Variants in CSMD3 observed in about 807,000 individuals in gnomAD.
CSMD3 encodes CUB and sushi domain-containing protein 3.
A neutral mutation model predicts 435.2 loss-of-function variants in CSMD3; 177 were observed. The ratio of observed to expected loss-of-function variants is 0.41; its 90% confidence interval spans 0.36 to 0.46. The LOEUF is 0.46. CSMD3 is among the 20% of genes least tolerant of loss of function. The probability of loss-of-function intolerance (pLI) is 0.34; values close to 1 mark genes in which losing one functional copy is unlikely to be tolerated. For synonymous variants in CSMD3, 1,656 were observed against 1,520.5 expected, an observed-to-expected ratio of 1.09 and a Z score of -2.07; for missense variants, 4,265 against 4,504.6, an observed-to-expected ratio of 0.95 and a Z score of 1.52.
chr8:112,325,921 T>C (rs1318114623), intron 45 of CSMD3, among the ~76,000 whole-genome samples: 2 of 152,158 alleles, frequency 1.3e-5, no homozygotes, highest in African/African-American at 2.4e-5. Context: ...GGTTTACACA[T>C]GCAAAGCATT....
rs747333485 is a variant in CSMD3, at chr8:112,301,877, C to A, written c.8356G>T (p.Asp2786Tyr). 3.7e-6 allele frequency: 6 copies of A among 1,613,546 alleles called. No individual in the cohort carries two copies. The highest frequency in any genetic ancestry group is 3.3e-5 in the South Asian group (3 of 91,060). The change falls in exon 53 of 71, where the codon GAC (aspartate) becomes TAC (tyrosine). Residue 2786 changes from aspartate (D) to tyrosine (Y), a missense_variant. By Grantham distance (160) the Asp-to-Tyr change is radical (BLOSUM62 -3). Around this residue, in one of 3 missense-constraint regions of CSMD3, gnomAD observed 3,255 missense variants for 3,380.2 expected, o/e 0.96. Coordinates refer to ENST00000297405, the MANE Select transcript of CSMD3 (RefSeq NM_198123.2). ...GAGCCCACAAGCATGAATCCCAAGT[C>A]GCAGGTAAAGATAGCTGTTGAGCCA... ...SYGSTAIFTC[D>Y]LGFMLVGSAV...
intron 66 of CSMD3, among the ~76,000 whole-genome samples, chr8:112,239,743 T>G (rs2130031762): frequency 6.6e-6 from 1 of 152,234 alleles, no homozygotes; most frequent in Admixed American, 6.6e-5. Flanking sequence ...TGAATTTCAT[T>G]AATCTACTCT....
rs545913833 is a variant in CSMD3 at position 112,292,228 on chromosome 8, T to A, written c.8788+309A>T. ...TGCAAGTAAAAATAATCTCAATTAC[T>A]TTTTATATGCAGTCACAAAACAGAT... is the stretch of plus-strand genomic sequence containing the variant. On this transcript the variant is annotated intron_variant, in intron 55 of 70. Transcript: ENST00000297405. 3.3e-5 allele frequency among the ~76,000 whole-genome samples: 5 copies of A among 152,238 alleles called. No individual in the cohort carries two copies. The East Asian group carries it at 9.6e-4, about 29-fold the overall frequency.
intron 1 of CSMD3, among the ~76,000 whole-genome samples, chr8:113,395,911 G>T (rs1237559372): frequency 2.6e-5 from 4 of 152,030 alleles, no homozygotes; most frequent in Non-Finnish European, 5.9e-5. Flanking sequence ...AGAAAATTCA[G>T]TGGTAACTGA....
chr8:112,860,089 TCAG>T (rs768165485), intron 10 of CSMD3, among the ~76,000 whole-genome samples: 179 of 151,914 alleles, frequency 1.2e-3, no homozygotes, highest in Middle Eastern at 3.4e-3. Context: ...ACTTTGAAAA[TCAG>T]TTGATGGACC....
At chr8:113,028,518 C>T (rs1294918756) in intron 5 of CSMD3, among the ~76,000 whole-genome samples, 1 of 151,264 alleles carries the variant, frequency 6.6e-6, no homozygotes, top group Non-Finnish European at 1.5e-5. Context: ...TCTCTTATGC[C>T]AAATTAGCCA....
chr8:112,994,497 T>G (rs1233147632), intron 6 of CSMD3, among the ~76,000 whole-genome samples: 1 of 151,656 alleles, frequency 6.6e-6, no homozygotes, highest in Non-Finnish European at 1.5e-5. Context: ...TACAGGAAAT[T>G]AGATATGTAA....
chr8:113,274,855 G>GA (rs2093557249), intron 3 of CSMD3, among the ~76,000 whole-genome samples: 2 of 76,844 alleles, frequency 2.6e-5, no homozygotes, highest in African/African-American at 4.7e-5. Flanking sequence ...GAGAGAGAAA[G>GA]AAAAAAAGGA....
At chr8:112,317,614 T>C (rs1482045751) in intron 47 of CSMD3, among the ~76,000 whole-genome samples, 3 of 152,044 alleles carry the variant, frequency 2.0e-5, no homozygotes, top group African/African-American at 7.2e-5. Context: ...GTCTGGAATA[T>C]GTAAGTGATA....
At chr8:113,056,909 G>A (rs2088367932) in intron 5 of CSMD3, among the ~76,000 whole-genome samples, 1 of 152,034 alleles carries the variant, frequency 6.6e-6, no homozygotes, top group South Asian at 2.1e-4. Context: ...TGGAAATTCT[G>A]GTCTTCGTTT....
intron 3 of CSMD3, among the ~76,000 whole-genome samples, chr8:113,210,654 G>A (rs967456954): frequency 4.0e-5 from 6 of 151,862 alleles, no homozygotes; most frequent in African/African-American, 9.7e-5. Flanking sequence ...GAGGTGGGCC[G>A]GTCACCTGAG....
chr8:112,407,463 C>T (rs540479965), intron 34 of CSMD3, among the ~76,000 whole-genome samples: 2 of 151,722 alleles, frequency 1.3e-5, no homozygotes, highest in South Asian at 4.2e-4. Context: ...TGACAATAGC[C>T]CAAAAAATGA....
At chr8:112,605,141 G>A (rs994616914) in intron 22 of CSMD3, among the ~76,000 whole-genome samples, 1 of 152,146 alleles carries the variant, frequency 6.6e-6, no homozygotes, top group Non-Finnish European at 1.5e-5. Flanking sequence ...GGATGCTGGT[G>A]ATGCTTTAAA....
At chr8:112,515,523 G>A (rs544709574) in intron 28 of CSMD3, among the ~76,000 whole-genome samples, 7 of 151,994 alleles carry the variant, frequency 4.6e-5, no homozygotes, top group Middle Eastern at 3.2e-3. Context: ...TCCCCGGATC[G>A]TATGAGTGCA....
At chr8:112,546,330 A>T (rs1827177864) in intron 27 of CSMD3, among the ~76,000 whole-genome samples, 2 of 152,140 alleles carry the variant, frequency 1.3e-5, no homozygotes, top group Admixed American at 1.3e-4. Context: ...ATGTGGAGAA[A>T]AGTTTTGCTG....
chr8:113,080,847 C>T (rs1272861073), intron 5 of CSMD3, among the ~76,000 whole-genome samples: 1 of 152,078 alleles, frequency 6.6e-6, no homozygotes, highest in Non-Finnish European at 1.5e-5. Context: ...TTTACATTCT[C>T]GATATCAGCT....
chr8:112,669,452 T>C (rs1170901351), intron 16 of CSMD3, among the ~76,000 whole-genome samples: 1 of 152,232 alleles, frequency 6.6e-6, no homozygotes, highest in Non-Finnish European at 1.5e-5. Context: ...ATCCATATAT[T>C]GCCTATGTAG....
At chr8:112,324,582 G>GTGTGT (rs375902979) in intron 45 of CSMD3, among the ~76,000 whole-genome samples, 23,874 of 149,054 alleles carry the variant, frequency 0.16, 2,255 homozygotes, top group Middle Eastern at 0.3. Flanking sequence ...TGTGTGTGTG[G>GTGTGT]GTGTGTGTGT....
At chr8:113,366,156 C>T (rs564389600) in intron 1 of CSMD3, among the ~76,000 whole-genome samples, 20 of 151,996 alleles carry the variant, frequency 1.3e-4, no homozygotes, top group African/African-American at 4.8e-4. Context: ...TGCTTGTTGT[C>T]CTTGCTGCCC....
Sources: gnomAD v4.1 joint callset for allele counts (sites outside exome capture counted in the v4.1 genomes callset) on GRCh38, gnomAD v4.1.1 for gene constraint, gnomAD v4.1.1 regional missense constraint, MANE v1.5 for transcripts, NCBI Gene and HGNC (gene_info 2026-07-23, HGNC 2026-07-21) for gene names.